UVSSA: variants seen among roughly 807,000 people sequenced by gnomAD.
UVSSA encodes the protein UV-stimulated scaffold protein A.
In UVSSA, 72 loss-of-function variants were observed where a neutral mutation model predicts 73.9. The ratio of observed to expected loss-of-function variants is 0.97; its 90% CI spans 0.81 to 1.19. The LOEUF (loss-of-function observed/expected upper bound fraction) is 1.19. UVSSA is among the 50% of genes most tolerant of loss of function. UVSSA has a pLI of 0.00. For missense variants in UVSSA, 1,150 were observed against 965.0 expected (o/e 1.19, Z -2.54); for synonymous variants, 454 against 391.3 (o/e 1.16, Z -1.89).
At position 1,351,840 on chromosome 4, in the gene UVSSA, G is replaced by A. The variant is rs1173783833; in HGVS notation, c.550+5G>A. ...AGGCGGAGAGGGAGATGCAAGGCAA[G>A]TGTCCAGGACGGAGGGAGGGGCCCA... On this transcript the variant is annotated splice_donor_5th_base_variant and intron_variant, in intron 4 of 13. Coordinates refer to ENST00000389851, the MANE Select transcript of UVSSA (RefSeq NM_020894.4). The A allele has an allele frequency of 4.3e-6, 7 of 1,612,728 alleles. No homozygotes were observed. Among genetic ancestry groups the A allele is most frequent in the Middle Eastern group, 1.7e-4 (1 of 6,052 alleles).
chr4:1,384,067 T>G, intron 13 of UVSSA, 127 bp downstream of exon 13: 1 of 1,234,718 alleles, frequency 8.1e-7, no homozygotes, highest in Non-Finnish European at 1.1e-6. Context: ...TGCTTTGAGT[T>G]CCCCTGGGGG....
chr4:1,354,207 C>T lies in UVSSA; in HGVS notation c.935-528C>T, dbSNP rs544127165. Among the ~76,000 whole-genome samples, 40 of 152,320 alleles carry T rather than the reference C, an allele frequency of 2.6e-4. No homozygotes were observed. The South Asian group carries it at 7.7e-3, about 29-fold the overall frequency. Reference sequence around the variant, plus strand: ...CTGCAGGCCTGTGCGGGGTGGACACCGCTGCTGCAAGCCTGGGCTGTCCTC... The same window carrying T: ...CTGCAGGCCTGTGCGGGGTGGACACTGCTGCTGCAAGCCTGGGCTGTCCTC... On this transcript the variant is annotated intron_variant, in intron 5 of 13. Transcript: ENST00000389851.
rs762260252 is a variant in UVSSA at position 1,376,163 on chromosome 4, T to C, written c.1563T>C (p.Ile521=). The C allele has an allele frequency of 6.2e-7, 1 of 1,609,846 alleles. No homozygotes were observed. The highest frequency in any genetic ancestry group is 2.2e-5 in the East Asian group (1 of 44,738). Residue 521 remains isoleucine (I), a synonymous_variant, in exon 10 of 14, where the codon ATT becomes ATC. Transcript: ENST00000389851. ...WGQELPTAGK[I]VKSDSQHRFW... Reference sequence around the variant, plus strand: ...AGGAGCTCCCCACAGCCGGGAAGATTGTCAAGTGAGTCCCCATGTGTCTGA... The same window carrying C: ...AGGAGCTCCCCACAGCCGGGAAGATCGTCAAGTGAGTCCCCATGTGTCTGA...
chr4:1,385,468 G>A (rs558617857), intron 13 of UVSSA: 12 of 244,806 alleles, frequency 4.9e-5, no homozygotes, highest in Non-Finnish European at 9.0e-5. Context: ...GGAGCCGTGC[G>A]TGCAGCAGCG....
chr4:1,379,566 G>GGCCTTCACTCCTTCTCCTGGGTGT (rs1719190033), intron 10 of UVSSA, among the ~76,000 whole-genome samples: 1 of 152,188 alleles, frequency 6.6e-6, no homozygotes. Context: ...AGGGCTGAAC[G>GGCCTTCACTCCTTCTCCTGGGTGT]GCCTTCACTC....
Position 1,375,197 on chromosome 4 carries a change from C to T in UVSSA, c.1289-167C>T, listed in dbSNP as rs375344354. 1,003 of 1,143,328 alleles carry T rather than the reference C, an allele frequency of 8.8e-4. 29 individuals carry two copies. In the South Asian group the frequency reaches 0.013, roughly 15 times the overall value. The allele number at this position is 1,143,328 out of a possible 1,614,324, so 70.8% of individuals were successfully genotyped here. ...GCAGAGCGTGGCCTGAGCTGCTGCT[C>T]CGGGCCTCACCCTCGCCCGTGAGGA... On this transcript the variant is annotated intron_variant, in intron 8 of 13. Transcript: ENST00000389851.
At chr4:1,361,294 A>G (rs190738370) in intron 7 of UVSSA, among the ~76,000 whole-genome samples, 121 of 152,350 alleles carry the variant, frequency 7.9e-4, no homozygotes, top group African/African-American at 2.7e-3. Flanking sequence ...GCAGCTCCCA[A>G]GGGCAGGTCT....
At chr4:1,350,894 TTTG>T (rs1166481296) in intron 3 of UVSSA, among the ~76,000 whole-genome samples, 2 of 152,176 alleles carry the variant, frequency 1.3e-5, no homozygotes, top group African/African-American at 4.8e-5. Flanking sequence ...AGCTCTAGTT[TTTG>T]TTGTTGTTGT....
At chr4:1,378,442 A>G (rs1719039362) in intron 10 of UVSSA, among the ~76,000 whole-genome samples, 1 of 152,094 alleles carries the variant, frequency 6.6e-6, no homozygotes, top group African/African-American at 2.4e-5. Context: ...AATCCCAGCT[A>G]CTCGAGACTG....
chr4:1,395,346 C>G, exon 14 of UVSSA: 1 of 1,512,334 alleles, frequency 6.6e-7, no homozygotes, highest in Non-Finnish European at 8.8e-7. Flanking sequence ...ATGTGGGGTG[C>G]CCGCCTGCTC....
intron 3 of UVSSA, 143 bp downstream of exon 3, chr4:1,349,997 C>A (rs1292148766): frequency 2.6e-6 from 2 of 780,618 alleles, no homozygotes; most frequent in African/African-American, 1.7e-5. Context: ...GGCTGCCAGA[C>A]CATCTGTGGG....
intron 10 of UVSSA, among the ~76,000 whole-genome samples, chr4:1,377,920 C>T (rs929566630): frequency 1.3e-5 from 2 of 152,332 alleles, no homozygotes; most frequent in South Asian, 2.1e-4. Context: ...ATGTCAGCTG[C>T]GTGGATGGGG....
Position 1,349,748 on chromosome 4 carries a change from G to A in UVSSA, c.323G>A (p.Arg108Lys). 1 of 1,611,428 alleles carries A rather than the reference G, an allele frequency of 6.2e-7. No homozygotes were observed. The highest frequency in any genetic ancestry group is 2.2e-5 in the East Asian group (1 of 44,814). ...PLPPPREAAQ[R>K]LRQATTRAVE... ...CCGCCCCCCAGGGAGGCGGCACAGA[G>A]GCTGAGGCAGGCGACCACCCGGGCC... Residue 108 changes from arginine to lysine, a missense_variant, in exon 3 of 14, where the codon AGG (arginine) becomes AAG (lysine). Coordinates refer to ENST00000389851, the MANE Select transcript of UVSSA (RefSeq NM_020894.4).
chr4:1,354,031 G>A (rs1715245337), intron 5 of UVSSA, among the ~76,000 whole-genome samples: 1 of 151,812 alleles, frequency 6.6e-6, no homozygotes. Context: ...TATGTGTGTG[G>A]CTTCAAATCG....
chr4:1,376,183 G>A lies in UVSSA; in HGVS notation c.1568+15G>A, dbSNP rs759483033. 7.5e-6 allele frequency: 12 copies of A among 1,599,824 alleles called. No individual in the cohort carries two copies. Among genetic ancestry groups the A allele is most frequent in the Non-Finnish European group, 8.5e-6 (10 of 1,171,838 alleles). ...AAGATTGTCAAGTGAGTCCCCATGT[G>A]TCTGAAGTCGGCCAGGGCACACAAC... On this transcript the variant is annotated intron_variant, in intron 10 of 13. Coordinates refer to ENST00000389851, the MANE Select transcript of UVSSA (RefSeq NM_020894.4).
chr4:1,352,533 G>A (rs1477577763), intron 4 of UVSSA, among the ~76,000 whole-genome samples: 1 of 152,246 alleles, frequency 6.6e-6, no homozygotes, highest in Non-Finnish European at 1.5e-5. Context: ...AAGAGGTGCA[G>A]CCGTGTCCTG....
intron 13 of UVSSA, chr4:1,384,407 C>T (rs1157488366): frequency 1.8e-5 from 3 of 168,670 alleles, no homozygotes; most frequent in African/African-American, 4.8e-5. Flanking sequence ...CATGTCTTCT[C>T]TGAGCACTGG....
At chr4:1,395,983 C>A in exon 14 of UVSSA, 1 of 1,436,386 alleles carries the variant, frequency 7.0e-7, no homozygotes, top group Non-Finnish European at 9.3e-7. Flanking sequence ...AAAAGACAAA[C>A]CTGTGACTCA....
At chr4:1,372,809 C>T (rs1718267709) in intron 8 of UVSSA, among the ~76,000 whole-genome samples, 1 of 95,916 alleles carries the variant, frequency 1.0e-5, no homozygotes, top group Admixed American at 1.0e-4. Flanking sequence ...TCACCTCCCG[C>T]GTCTCAGGGC....
Sources: allele counts gnomAD v4.1 joint callset (sites outside exome capture counted in the v4.1 genomes callset), GRCh38; gene constraint gnomAD v4.1.1; transcripts MANE v1.5; gene names NCBI Gene and HGNC (gene_info 2026-07-23, HGNC 2026-07-21).